The following CHST13 variants were observed in gnomAD, a reference collection of about 807,000 sequenced individuals.
CHST13 encodes the protein C4ST-3.
In CHST13, 1 loss-of-function variant was observed where a neutral mutation model predicts 7.0. The ratio of observed to expected loss-of-function variants is 0.14; its 90% CI spans 0.05 to 0.68. The LOEUF is 0.68. Among genes scored for constraint, CHST13 ranks in the 30% least tolerant of loss-of-function variants. The probability of loss-of-function intolerance (pLI) is 0.82; values close to 1 mark genes in which losing one functional copy is unlikely to be tolerated. For synonymous variants in CHST13, 257 were observed against 240.9 expected (o/e 1.07, Z -0.62); for missense variants, 572 against 507.9 (o/e 1.13, Z -1.21).
chr3:126,529,308 C>T (rs1560136717), intron 1 of CHST13: 1 of 1,288,000 alleles, frequency 7.8e-7, no homozygotes. Flanking sequence ...CCTTGAGCAG[C>T]TCTCTCTGCT....
Position 126,542,289 on chromosome 3 carries a change from A to T in CHST13, c.737A>T (p.His246Leu). ...RTRREEPFNEHWERAHALCHP... is the reference protein window; with the variant it reads ...RTRREEPFNELWERAHALCHP... ...CGGCGTGAGGAGCCCTTCAACGAGC[A>T]CTGGGAGCGCGCGCACGCGCTCTGC... Residue 246 changes from histidine to leucine, a missense_variant, in exon 3 of 3, where the codon CAC (histidine) becomes CTC (leucine). By Grantham distance (99) the His-to-Leu change is moderately conservative. Coordinates refer to ENST00000319340, the MANE Select transcript of CHST13 (RefSeq NM_152889.3). 6.4e-7 allele frequency: 1 copy of T among 1,566,480 alleles called. No individual in the cohort carries two copies. The highest frequency in any genetic ancestry group is 8.6e-7 in the Non-Finnish European group (1 of 1,161,308).
chr3:126,536,896 A>AAC (rs10670471), intron 2 of CHST13, among the ~76,000 whole-genome samples: 31,468 of 140,252 alleles, frequency 0.22, 3,442 homozygotes, highest in Admixed American at 0.27. Context: ...CACACACACA[A>AAC]ACACACACAC....
At chr3:126,538,764 T>C (rs1873398) in intron 2 of CHST13, among the ~76,000 whole-genome samples, 152,019 of 152,334 alleles carry the variant, frequency 1, 75,854 homozygotes, top group Middle Eastern at 1. Flanking sequence ...CATACCCCCA[T>C]GGCATAGCTG....
chr3:126,525,028 G>C (rs1049610994), intron 1 of CHST13, among the ~76,000 whole-genome samples: 7 of 152,108 alleles, frequency 4.6e-5, no homozygotes, highest in African/African-American at 1.7e-4. Context: ...TCTTTGCTCT[G>C]AGTCTCTCCT....
intron 1 of CHST13, chr3:126,527,039 C>T (rs889513441): frequency 5.9e-5 from 9 of 152,380 alleles, no homozygotes; most frequent in African/African-American, 2.2e-4. Context: ...AAGATCTCAG[C>T]TCTATGTCTT....
At chr3:126,534,926 C>A (rs569678930) in intron 1 of CHST13, among the ~76,000 whole-genome samples, 134 of 137,692 alleles carry the variant, frequency 9.7e-4, no homozygotes, top group African/African-American at 3.4e-3. Flanking sequence ...TGTCCCCAGC[C>A]GGGAGACAGA....
intron 1 of CHST13, chr3:126,527,897 C>G (rs1471883408): frequency 6.6e-6 from 1 of 152,006 alleles, no homozygotes; most frequent in Non-Finnish European, 1.5e-5. Context: ...AAGAAAAGAT[C>G]AAGAGAGAGG....
chr3:126,529,847 T>C (rs1936614729), intron 1 of CHST13, among the ~76,000 whole-genome samples: 1 of 152,224 alleles, frequency 6.6e-6, no homozygotes, highest in Admixed American at 6.5e-5. Flanking sequence ...ACCGCGTGGC[T>C]TTCCCTGTGC....
At chr3:126,532,960 A>G (rs1379860782) in intron 1 of CHST13, among the ~76,000 whole-genome samples, 1 of 152,172 alleles carries the variant, frequency 6.6e-6, no homozygotes, top group Non-Finnish European at 1.5e-5. Flanking sequence ...CATGGTTTTC[A>G]GTGGACAGGT....
intron 2 of CHST13, among the ~76,000 whole-genome samples, chr3:126,539,723 C>T (rs1391053083): frequency 9.6e-6 from 1 of 103,768 alleles, no homozygotes; most frequent in Non-Finnish European, 2.0e-5. Flanking sequence ...CACACACACC[C>T]CCCACACCAC....
intron 1 of CHST13, 83 bp downstream of exon 1, chr3:126,524,512 C>A: frequency 2.3e-6 from 1 of 434,384 alleles, no homozygotes; most frequent in Non-Finnish European, 3.8e-6. Context: ...CCCTCGACAG[C>A]GCGGGGGACA....
In CHST13 at chr3:126,542,259, G is replaced by A. The variant is rs1270912291; in HGVS notation, c.707G>A (p.Arg236His). ...TTCCTGGCCTACCTGCTGGACCCGCGCACGCGGCGTGAGGAGCCCTTCAAC... is the reference window on the plus strand; with the variant it reads ...TTCCTGGCCTACCTGCTGGACCCGCACACGCGGCGTGAGGAGCCCTTCAAC... Reference protein sequence around the residue: ...AEFLAYLLDPRTRREEPFNEH... With the variant: ...AEFLAYLLDPHTRREEPFNEH... Residue 236 changes from arginine (R) to histidine (H), a missense_variant, in exon 3 of 3, where the codon CGC (arginine) becomes CAC (histidine). Transcript: ENST00000319340. 2 of 1,549,612 alleles carry A rather than the reference G, an allele frequency of 1.3e-6. No homozygotes were observed. The highest frequency in any genetic ancestry group is 1.8e-5 in the Admixed American group (1 of 54,798).
At chr3:126,524,965 CAGTT>C (rs750570764) in intron 1 of CHST13, among the ~76,000 whole-genome samples, 5 of 152,190 alleles carry the variant, frequency 3.3e-5, no homozygotes, top group African/African-American at 9.7e-5. Context: ...GAAACTGAGG[CAGTT>C]AGTCATGACT....
At chr3:126,533,531 A>G (rs964296888) in intron 1 of CHST13, among the ~76,000 whole-genome samples, 11 of 152,054 alleles carry the variant, frequency 7.2e-5, no homozygotes, top group Non-Finnish European at 1.6e-4. Context: ...ACATTGATTG[A>G]TTTGTGTATA....
Position 126,542,069 on chromosome 3 carries a change from G to C in CHST13, c.517G>C (p.Val173Leu). The C allele has an allele frequency of 6.3e-7, 1 of 1,583,794 alleles. No individual in the cohort carries two copies. Among genetic ancestry groups the C allele is most frequent in the Non-Finnish European group, 8.6e-7 (1 of 1,169,380 alleles). ...GCGCGCCTACTTGGCCTTCCTGTTCGTGCGGGAGCCCTTCGAGCGCCTGGC... is the reference window on the plus strand; with the variant it reads ...GCGCGCCTACTTGGCCTTCCTGTTCCTGCGGGAGCCCTTCGAGCGCCTGGC... ...RLRAYLAFLF[V>L]REPFERLASA... The change falls in exon 3 of 3, where the codon GTG becomes CTG. Residue 173 changes from valine to leucine, a missense_variant. Val to Leu is a conservative substitution (Grantham distance 32, BLOSUM62 1). Transcript: ENST00000319340.
At chr3:126,539,988 G>GAC (rs368474448) in intron 2 of CHST13, among the ~76,000 whole-genome samples, 52 of 72,992 alleles carry the variant, frequency 7.1e-4, no homozygotes, top group African/African-American at 2.5e-3. Context: ...ACACACGCAT[G>GAC]ACACACACAC....
chr3:126,524,200 C>A lies in CHST13; in HGVS notation c.-133C>A. 1.6e-6 allele frequency: 1 copy of A among 606,806 alleles called. No individual in the cohort carries two copies. Among genetic ancestry groups the A allele is most frequent in the Non-Finnish European group, 2.3e-6 (1 of 430,690 alleles). The allele number at this position is 606,806 out of a possible 1,614,324, so 37.6% of individuals were successfully genotyped here. A position where few individuals can be genotyped will look rare whatever the true frequency, so the allele number is the denominator to read the frequency against. The stretch of plus-strand genomic sequence containing the variant: ...GGCTGGTGGGGCTGGGGTCCAGCTG[C>A]CGTGCTCCCCTGCCCTGCGCCGCGC... On this transcript the variant is annotated 5_prime_UTR_variant, in exon 1 of 3. Coordinates refer to ENST00000319340, the MANE Select transcript of CHST13 (RefSeq NM_152889.3).
At chr3:126,527,862 G>A (rs1936569648) in intron 1 of CHST13, 1 of 152,172 alleles carries the variant, frequency 6.6e-6, no homozygotes, top group African/African-American at 2.4e-5. Flanking sequence ...TGCAGAACAG[G>A]AATTGGCAAT....
At chr3:126,534,620 C>T (rs1350445024) in intron 1 of CHST13, among the ~76,000 whole-genome samples, 1 of 151,614 alleles carries the variant, frequency 6.6e-6, no homozygotes, top group Non-Finnish European at 1.5e-5. Context: ...GACAGACACA[C>T]AGACAGCATC....
Sources: gnomAD v4.1 joint callset for allele counts (sites outside exome capture counted in the v4.1 genomes callset) on GRCh38, gnomAD v4.1.1 for gene constraint, MANE v1.5 for transcripts, NCBI Gene and HGNC (gene_info 2026-07-23, HGNC 2026-07-21) for gene names.